Variants in RAP1GAP2 observed in about 807,000 individuals in gnomAD.
RAP1GAP2 encodes the protein rap1 GTPase-activating protein 2.
Under a neutral mutation model 95.0 loss-of-function variants are expected in RAP1GAP2, and 27 were observed. The observed-to-expected ratio is 0.28, with a 90% CI of 0.21 to 0.39. The LOEUF (loss-of-function observed/expected upper bound fraction) is 0.39. Among genes scored for constraint, RAP1GAP2 ranks in the 10% least tolerant of loss-of-function variants. RAP1GAP2 has a pLI of 1.00. For missense variants in RAP1GAP2, 771 were observed against 970.0 expected, an observed-to-expected ratio of 0.79 and a Z score of 2.72; for synonymous variants, 373 against 380.9, an observed-to-expected ratio of 0.98 and a Z score of 0.24.
chr17:2,868,408 G>A (rs2072704493), intron 2 of RAP1GAP2, among the ~76,000 whole-genome samples: 1 of 152,160 alleles, frequency 6.6e-6, no homozygotes, highest in Non-Finnish European at 1.5e-5. Context: ...ACATGGTGTC[G>A]AAACTGCGGC....
In RAP1GAP2 at chr17:2,769,463, G is replaced by A. The variant is rs560609440; in HGVS notation, c.51-866G>A. 1.4e-4 allele frequency among the ~76,000 whole-genome samples: 21 copies of A among 151,604 alleles called. 1 individual carries two copies. The South Asian group carries it at 4.1e-3, about 30-fold the overall frequency. On this transcript the variant is annotated intron_variant, in intron 1 of 25. Transcript: ENST00000637138. ...CCAGCTACTCGGGAGGCTGAGGCGG[G>A]AGAATGGCGTGAACCTGGAAGGCGG...
intron 3 of RAP1GAP2, among the ~76,000 whole-genome samples, chr17:2,920,857 T>C (rs2151765241): frequency 6.6e-6 from 1 of 152,268 alleles, no homozygotes; most frequent in African/African-American, 2.4e-5. Flanking sequence ...TGCCAGATTC[T>C]GTGTTCTGCC....
rs114178664 is a variant in RAP1GAP2 at position 3,026,887 on chromosome 17, G to A, written c.1981-57G>A. The stretch of plus-strand genomic sequence containing the variant: ...GGCTTTTGGGGGCTGCCTCAGGCCT[G>A]CGTGGGCGCAGCTGCCGAGGGTGGG... On this transcript the variant is annotated intron_variant, in intron 21 of 24. Coordinates refer to ENST00000254695, the MANE Select transcript of RAP1GAP2 (RefSeq NM_015085.5). 8,508 of 1,528,190 alleles carry A rather than the reference G, an allele frequency of 5.6e-3. 394 individuals are homozygous for A. The African/African-American group carries it at 0.1, about 19-fold the overall frequency. The allele number at this position is 1,528,190 out of a possible 1,614,324, so 94.7% of individuals were successfully genotyped here. A position where few individuals can be genotyped will look rare whatever the true frequency, so the allele number is the denominator to read the frequency against.
intron 3 of RAP1GAP2, among the ~76,000 whole-genome samples, chr17:2,934,813 C>T (rs561403504): frequency 2.4e-4 from 36 of 152,190 alleles, no homozygotes; most frequent in African/African-American, 7.0e-4. Flanking sequence ...AAATCTGGTG[C>T]GTGCACAACT....
intron 2 of RAP1GAP2, among the ~76,000 whole-genome samples, chr17:2,771,127 T>A (rs182384140): frequency 3.3e-5 from 5 of 152,142 alleles, no homozygotes; most frequent in Admixed American, 3.3e-4. Flanking sequence ...GACCAAAGAC[T>A]GGAGATCCCT....
chr17:2,801,080 C>T (rs1294171143), intron 2 of RAP1GAP2, among the ~76,000 whole-genome samples: 2 of 151,308 alleles, frequency 1.3e-5, no homozygotes, highest in Non-Finnish European at 2.9e-5. Flanking sequence ...AATCTCTTGA[C>T]GTCATGGTCC....
At position 2,809,502 on chromosome 17, in the gene RAP1GAP2, G is replaced by A. The variant is rs550475937; in HGVS notation, c.80+8952G>A. ...CGCCAGCCGAGACCCAACCATCCCCGGAGGCCCCCCTCACCCCTCTCAGCT... is the reference window on the plus strand; with the variant it reads ...CGCCAGCCGAGACCCAACCATCCCCAGAGGCCCCCCTCACCCCTCTCAGCT... On this transcript the variant is annotated intron_variant, in intron 2 of 24. Coordinates refer to ENST00000254695, the MANE Select transcript of RAP1GAP2 (RefSeq NM_015085.5). 2.5e-4 allele frequency among the ~76,000 whole-genome samples: 38 copies of A among 152,128 alleles called. 1 individual carries two copies. Among genetic ancestry groups the A allele is most frequent in the Admixed American group, 2.2e-3 (33 of 15,292 alleles).
intron 8 of RAP1GAP2, among the ~76,000 whole-genome samples, chr17:2,967,398 G>A (rs1053969989): frequency 1.3e-5 from 2 of 152,024 alleles, no homozygotes; most frequent in Non-Finnish European, 2.9e-5. Context: ...CAACAACAAC[G>A]ACGACAACAA....
Position 3,018,349 on chromosome 17 carries a change from ACCCTGAC to A in RAP1GAP2, c.1632+160_1632+166del, listed in dbSNP as rs554157918. On this transcript the variant is annotated intron_variant, in intron 18 of 24. Transcript: ENST00000254695. Reference sequence around the variant, plus strand: ...GGGAAACTGAGGCTGCTTGGGGGTGACCCTGACCCCTGACCTCTGAAAACGGTCCTTT... The same window carrying A: ...GGGAAACTGAGGCTGCTTGGGGGTGACCCTGACCTCTGAAAACGGTCCTTT... Among the ~76,000 whole-genome samples the A allele has an allele frequency of 5.8e-3, 878 of 151,988 alleles. 3 individuals carry two copies. The highest frequency in any genetic ancestry group is 0.027 in the Middle Eastern group (8 of 294).
chr17:2,770,607 A>G (rs1008981741), intron 2 of RAP1GAP2, among the ~76,000 whole-genome samples: 1 of 152,226 alleles, frequency 6.6e-6, no homozygotes, highest in Non-Finnish European at 1.5e-5. Context: ...ATCAGCCTGG[A>G]TGCTTGTCCC....
intron 2 of RAP1GAP2, chr17:2,853,924 G>T (rs969556235): frequency 1.8e-5 from 18 of 981,876 alleles, no homozygotes; most frequent in Non-Finnish European, 2.2e-5. Flanking sequence ...TCAGGGGCCG[G>T]GTGCGGAGCG....
intron 2 of RAP1GAP2, among the ~76,000 whole-genome samples, chr17:2,803,847 A>G (rs9913195): frequency 0.71 from 107,600 of 152,188 alleles, 38,718 homozygotes; most frequent in African/African-American, 0.85. Flanking sequence ...CCATTACACT[A>G]CAGCCTGGGT....
chr17:2,970,135 G>C (rs570976477), intron 8 of RAP1GAP2, among the ~76,000 whole-genome samples: 1 of 151,804 alleles, frequency 6.6e-6, no homozygotes, highest in East Asian at 2.0e-4. Context: ...TTAGCCGGGC[G>C]TGGTGACATG....
intron 23 of RAP1GAP2, 147 bp from the exon 24 acceptor site, chr17:3,032,264 A>G: frequency 1.2e-6 from 1 of 839,872 alleles, no homozygotes. Flanking sequence ...CCAGGTCCAG[A>G]TGTGAGGTGG....
chr17:2,759,224 G>C (rs185446888), intron 1 of RAP1GAP2, among the ~76,000 whole-genome samples: 2 of 152,276 alleles, frequency 1.3e-5, no homozygotes, highest in Admixed American at 1.3e-4. Flanking sequence ...TTGTGGCAAA[G>C]AACATTCTTG....
intron 2 of RAP1GAP2, among the ~76,000 whole-genome samples, chr17:2,897,120 T>C (rs1401527311): frequency 6.6e-6 from 1 of 152,116 alleles, no homozygotes; most frequent in Non-Finnish European, 1.5e-5. Context: ...GTAGATCGCC[T>C]GAGGTCAGGA....
intron 17 of RAP1GAP2, among the ~76,000 whole-genome samples, chr17:3,011,501 C>T (rs900871525): frequency 2.6e-5 from 4 of 151,902 alleles, no homozygotes; most frequent in South Asian, 2.1e-4. Flanking sequence ...GTCAACAGGA[C>T]GTTGCTTAGG....
chr17:3,006,954 G>T (rs1367330831), intron 16 of RAP1GAP2, among the ~76,000 whole-genome samples: 5 of 152,178 alleles, frequency 3.3e-5, no homozygotes, highest in Admixed American at 6.5e-5. Flanking sequence ...GCCTGTAGGG[G>T]ACAGAGGGTG....
chr17:2,886,173 T>TA (rs1567742865), intron 2 of RAP1GAP2, among the ~76,000 whole-genome samples: 8,088 of 97,280 alleles, frequency 0.083, 306 homozygotes, highest in South Asian at 0.12. Context: ...ATATATATAT[T>TA]TTTTTTTTTT....
Sources: allele counts gnomAD v4.1 joint callset (sites outside exome capture counted in the v4.1 genomes callset), GRCh38; gene constraint gnomAD v4.1.1; transcripts MANE v1.5; gene names NCBI Gene and HGNC (gene_info 2026-07-23, HGNC 2026-07-21).